The following AP1AR variants were observed in gnomAD, a reference collection of about 807,000 sequenced individuals.
AP1AR encodes adaptor related protein complex 1 associated regulatory protein.
AP1AR carries 29 observed loss-of-function variants against 46.3 expected under a neutral mutation model. That is an observed-to-expected ratio of 0.63 (90% CI 0.47 to 0.85). AP1AR has a LOEUF of 0.85. Among genes scored for constraint, AP1AR ranks in the 40% least tolerant of loss-of-function variants. The pLI is 0.00. For missense variants in AP1AR, 357 were observed against 356.3 expected (o/e 1.00, Z -0.02); for synonymous variants, 122 against 122.9 (o/e 0.99, Z 0.05).
At chr4:112,267,216 A>G (rs1262223473) in intron 9 of AP1AR, among the ~76,000 whole-genome samples, 1 of 151,850 alleles carries the variant, frequency 6.6e-6, no homozygotes, top group Non-Finnish European at 1.5e-5. Context: ...ATGTTCTTTT[A>G]TGGTGGGATC....
rs74566394 is a variant in AP1AR at position 112,272,774 on chromosome 4, G to A, written c.*4365G>A. The stretch of plus-strand genomic sequence containing the variant: ...AGACAAAGATCAAGGACTATGGAGC[G>A]TGCCCATACTCACCACTGGTAACAC... On this transcript the variant is annotated 3_prime_UTR_variant, in exon 10 of 10. Coordinates refer to ENST00000274000, the MANE Select transcript of AP1AR (RefSeq NM_018569.6). 0.026 allele frequency among the ~76,000 whole-genome samples: 3,997 copies of A among 152,064 alleles called. 177 individuals carry two copies. The highest frequency in any genetic ancestry group is 0.16 in the East Asian group (828 of 5,174).
At chr4:112,249,628 G>T (rs1429421520) in intron 1 of AP1AR, among the ~76,000 whole-genome samples, 1 of 152,084 alleles carries the variant, frequency 6.6e-6, no homozygotes, top group African/African-American at 2.4e-5. Context: ...CTGCACTCCA[G>T]CCTGGGTAAG....
chr4:112,257,742 GTTT>G (rs1339656982), intron 3 of AP1AR, 27 bp from the exon 4 acceptor site: 2 of 354,420 alleles, frequency 5.6e-6, no homozygotes, highest in Non-Finnish European at 7.1e-6. Context: ...TAATGAATTT[GTTT>G]TAATTGTTTA....
intron 1 of AP1AR, among the ~76,000 whole-genome samples, chr4:112,245,583 C>T (rs1725696656): frequency 1.3e-5 from 2 of 152,278 alleles, no homozygotes; most frequent in Middle Eastern, 6.8e-3. Flanking sequence ...TGCTCAATAG[C>T]CCCTTGTGGC....
chr4:112,260,875 TTA>T lies in AP1AR; in HGVS notation c.282+17_282+18del. The T allele has an allele frequency of 6.8e-7, 1 of 1,472,886 alleles. No homozygotes were observed. Among genetic ancestry groups the T allele is most frequent in the Non-Finnish European group, 9.4e-7 (1 of 1,067,138 alleles). 91.2% of individuals were successfully genotyped at this position (1,472,886 alleles called of 1,614,324 possible). A position where few individuals can be genotyped will look rare whatever the true frequency, so the allele number is the denominator to read the frequency against. On this transcript the variant is annotated intron_variant, in intron 5 of 9. Coordinates refer to ENST00000274000, the MANE Select transcript of AP1AR (RefSeq NM_018569.6). ...AATTCAAAAAGAGGTAAATTGTCTT[TTA>T]TATTGCTTAAGTACATGTTATCATA...
chr4:112,238,818 T>C (rs952386988), intron 1 of AP1AR, among the ~76,000 whole-genome samples: 2 of 152,220 alleles, frequency 1.3e-5, no homozygotes, highest in Non-Finnish European at 2.9e-5. Flanking sequence ...GTTCCACTTA[T>C]CTGTCAAACA....
rs188965928 is a variant in AP1AR at position 112,243,389 on chromosome 4, C to T, written c.84-9819C>T. The stretch of plus-strand genomic sequence containing the variant: ...CATCTCTTGTTTTCCAGTCCGTCTC[C>T]CAAACCAGATGATTTTTATCTTGTA... On this transcript the variant is annotated intron_variant, in intron 1 of 9. Coordinates refer to ENST00000274000, the MANE Select transcript of AP1AR (RefSeq NM_018569.6). Among the ~76,000 whole-genome samples the T allele has an allele frequency of 2.2e-4, 34 of 152,304 alleles. 1 individual carries two copies. The East Asian group carries it at 6.4e-3, about 29-fold the overall frequency.
At chr4:112,253,572 G>A (rs1290156639) in intron 2 of AP1AR, among the ~76,000 whole-genome samples, 4 of 152,180 alleles carry the variant, frequency 2.6e-5, no homozygotes, top group Non-Finnish European at 4.4e-5. Flanking sequence ...CCCCAGCAGG[G>A]GGGAGTCCAG....
At position 112,232,060 on chromosome 4, in the gene AP1AR, G is replaced by A; in HGVS notation, c.-32G>A. On this transcript the variant is annotated 5_prime_UTR_variant, in exon 1 of 10. Transcript: ENST00000274000. ...GGGTTTGGGCATTGAGCGGGAGGAG[G>A]AGGAGGAGCGGCGGCGCCTGGGCGG... The A allele has an allele frequency of 7.4e-7, 1 of 1,353,094 alleles. No individual in the cohort carries two copies. The highest frequency in any genetic ancestry group is 9.6e-7 in the Non-Finnish European group (1 of 1,044,106). 83.8% of individuals were successfully genotyped at this position (1,353,094 alleles called of 1,614,324 possible).
chr4:112,260,301 A>G (rs1416876438), intron 4 of AP1AR, among the ~76,000 whole-genome samples: 1 of 152,190 alleles, frequency 6.6e-6, no homozygotes, highest in African/African-American at 2.4e-5. Context: ...AGAAAAGGGA[A>G]GGATGAAGGG....
chr4:112,252,822 A>C (rs1036145208), intron 1 of AP1AR, among the ~76,000 whole-genome samples: 1 of 152,186 alleles, frequency 6.6e-6, no homozygotes, highest in Non-Finnish European at 1.5e-5. Flanking sequence ...TTTTTAACAA[A>C]ATTGAGAACA....
intron 1 of AP1AR, among the ~76,000 whole-genome samples, chr4:112,242,131 A>G (rs754054678): frequency 2.7e-4 from 41 of 152,250 alleles, no homozygotes; most frequent in Non-Finnish European, 1.9e-4. Flanking sequence ...TTTGCCTGCT[A>G]TGCAAAACAA....
chr4:112,256,401 TAAAAG>T (rs1332754308), intron 3 of AP1AR, among the ~76,000 whole-genome samples: 1 of 152,232 alleles, frequency 6.6e-6, no homozygotes, highest in African/African-American at 2.4e-5. Context: ...TGACAAGTGT[TAAAAG>T]TAAGCCTTCT....
chr4:112,265,960 C>T (rs1156946345), intron 8 of AP1AR, among the ~76,000 whole-genome samples, 153 bp downstream of exon 8: 1 of 151,752 alleles, frequency 6.6e-6, no homozygotes, highest in South Asian at 2.1e-4. Context: ...TATACAACCT[C>T]ATCTTTTCTT....
intron 1 of AP1AR, among the ~76,000 whole-genome samples, chr4:112,235,228 T>G (rs545561983): frequency 6.6e-6 from 1 of 152,326 alleles, no homozygotes; most frequent in East Asian, 1.9e-4. Context: ...GTTCTCCTGT[T>G]TCTCTGAGCA....
At chr4:112,256,930 A>G (rs1726223928) in intron 3 of AP1AR, among the ~76,000 whole-genome samples, 1 of 152,230 alleles carries the variant, frequency 6.6e-6, no homozygotes, top group Non-Finnish European at 1.5e-5. Flanking sequence ...TCAACCAATC[A>G]GTATATAGCC....
intron 1 of AP1AR, among the ~76,000 whole-genome samples, chr4:112,243,388 C>T (rs368975638): frequency 6.6e-6 from 1 of 152,234 alleles, no homozygotes; most frequent in East Asian, 1.9e-4. Flanking sequence ...CAGTCCGTCT[C>T]CCAAACCAGA....
chr4:112,272,442 A>G lies in AP1AR; in HGVS notation c.*4033A>G, dbSNP rs1017366095. On this transcript the variant is annotated 3_prime_UTR_variant, in exon 10 of 10. Coordinates refer to ENST00000274000, the MANE Select transcript of AP1AR (RefSeq NM_018569.6). ...AGTTTGACAAATATATGACCTTCCCATGGGGCTTGGCCGGGAGTGCTAGCC... is the reference window on the plus strand; with the variant it reads ...AGTTTGACAAATATATGACCTTCCCGTGGGGCTTGGCCGGGAGTGCTAGCC... Among the ~76,000 whole-genome samples the G allele has an allele frequency of 2.0e-5, 3 of 152,186 alleles. No individual in the cohort carries two copies. Among genetic ancestry groups the G allele is most frequent in the African/African-American group, 7.2e-5 (3 of 41,454 alleles).
intron 5 of AP1AR, among the ~76,000 whole-genome samples, chr4:112,262,398 A>G (rs765775648): frequency 3.2e-4 from 49 of 152,224 alleles, no homozygotes; most frequent in Non-Finnish European, 6.3e-4. Context: ...AAAGAAAAAA[A>G]TTTGTGTTGA....
Sources: gnomAD v4.1 joint callset for allele counts (sites outside exome capture counted in the v4.1 genomes callset) on GRCh38, gnomAD v4.1.1 for gene constraint, MANE v1.5 for transcripts, NCBI Gene and HGNC (gene_info 2026-07-23, HGNC 2026-07-21) for gene names.